The following NRXN1 variants were observed in gnomAD, a reference collection of about 807,000 sequenced individuals.
The protein encoded by NRXN1 is neurexin-1.
A neutral mutation model predicts 150.9 loss-of-function variants in NRXN1; 39 were observed. The ratio of observed to expected loss-of-function variants is 0.26; its 90% confidence interval spans 0.20 to 0.34. The LOEUF (loss-of-function observed/expected upper bound fraction) is 0.34. Among genes scored for constraint, NRXN1 ranks in the 10% least tolerant of loss-of-function variants. The pLI is 1.00. For missense variants in NRXN1, 1,815 were observed against 1,949.9 expected (o/e 0.93, Z 1.30); for synonymous variants, 924 against 757.0 (o/e 1.22, Z -3.62).
At chr2:50,459,907 A>G (rs2087986656) in intron 17 of NRXN1, among the ~76,000 whole-genome samples, 1 of 152,104 alleles carries the variant, frequency 6.6e-6, no homozygotes, top group South Asian at 2.1e-4. Flanking sequence ...CAGTATCCCC[A>G]TCCTGCCTTG....
At chr2:50,598,587 T>G (rs963716083) in intron 8 of NRXN1, among the ~76,000 whole-genome samples, 6 of 149,170 alleles carry the variant, frequency 4.0e-5, no homozygotes, top group Non-Finnish European at 8.9e-5. Flanking sequence ...TGTATATATA[T>G]GTATATATGC....
chr2:50,748,304 C>T (rs908074057), intron 5 of NRXN1, among the ~76,000 whole-genome samples: 49 of 152,166 alleles, frequency 3.2e-4, no homozygotes, highest in African/African-American at 8.2e-4. Context: ...CTGCGCAGCA[C>T]TGATAAGGTT....
intron 2 of NRXN1, chr2:51,026,524 G>T: frequency 8.5e-7 from 1 of 1,172,076 alleles, no homozygotes; most frequent in Non-Finnish European, 1.2e-6. Flanking sequence ...ATGCCACACT[G>T]TTTTAAGCCC....
intron 21 of NRXN1, among the ~76,000 whole-genome samples, chr2:50,015,598 C>A: frequency 6.6e-6 from 1 of 150,532 alleles, no homozygotes; most frequent in South Asian, 2.1e-4. Context: ...CTCTGTTTAC[C>A]CTTCTGTATA....
intron 5 of NRXN1, among the ~76,000 whole-genome samples, chr2:50,731,579 C>G (rs1413139610): frequency 6.6e-6 from 1 of 152,004 alleles, no homozygotes; most frequent in Admixed American, 6.6e-5. Context: ...TGGTGGTTCT[C>G]AAGGTATAGT....
At chr2:50,513,217 C>T (rs1268445135) in intron 12 of NRXN1, among the ~76,000 whole-genome samples, 1 of 152,104 alleles carries the variant, frequency 6.6e-6, no homozygotes, top group East Asian at 1.9e-4. Context: ...CCTTTCTCTC[C>T]TTTTTATGGA....
At chr2:50,798,167 A>T (rs1299021672) in intron 5 of NRXN1, among the ~76,000 whole-genome samples, 2 of 152,168 alleles carry the variant, frequency 1.3e-5, no homozygotes, top group African/African-American at 4.8e-5. Flanking sequence ...AATTCTAGTT[A>T]TATATAATCA....
chr2:50,279,976 A>T (rs1282494842), intron 17 of NRXN1, among the ~76,000 whole-genome samples: 1 of 152,174 alleles, frequency 6.6e-6, no homozygotes, highest in East Asian at 1.9e-4. Context: ...AAAGTATTCT[A>T]TTAAAAAGCT....
chr2:50,825,602 T>C (rs1192610662), intron 5 of NRXN1, among the ~76,000 whole-genome samples: 1 of 152,216 alleles, frequency 6.6e-6, no homozygotes, highest in Non-Finnish European at 1.5e-5. Flanking sequence ...CTTCCGTACA[T>C]CTTCATCTGA....
chr2:50,408,617 G>A (rs984625948), intron 17 of NRXN1, among the ~76,000 whole-genome samples: 4 of 152,138 alleles, frequency 2.6e-5, no homozygotes, highest in African/African-American at 9.7e-5. Context: ...TCCAAATTTC[G>A]AGGTCCCCCT....
chr2:50,971,239 A>T lies in NRXN1; in HGVS notation c.773-45284T>A, dbSNP rs1197915105. 7.9e-5 allele frequency among the ~76,000 whole-genome samples: 12 copies of T among 152,266 alleles called. No individual in the cohort carries two copies. The East Asian group carries it at 2.1e-3, about 27-fold the overall frequency. ...CTGCAGAATTAGTAACATAAACATA[A>T]TGCTTGTTAGTGTCAAGTGGCTGAA... On this transcript the variant is annotated intron_variant, in intron 2 of 22. Coordinates refer to ENST00000401669, the MANE Select transcript of NRXN1 (RefSeq NM_001330078.2).
chr2:50,201,070 G>T (rs2062127241), intron 18 of NRXN1, among the ~76,000 whole-genome samples: 2 of 151,952 alleles, frequency 1.3e-5, no homozygotes. Context: ...ATCCTTTCAA[G>T]TATTGTTTTC....
intron 5 of NRXN1, among the ~76,000 whole-genome samples, chr2:50,776,651 CACAT>C (rs1238138460): frequency 8.6e-6 from 1 of 116,356 alleles, no homozygotes; most frequent in Non-Finnish European, 1.9e-5. Context: ...TATATATATA[CACAT>C]ACACACACAC....
chr2:50,158,618 A>AG, intron 18 of NRXN1, among the ~76,000 whole-genome samples: 1 of 152,260 alleles, frequency 6.6e-6, no homozygotes, highest in Non-Finnish European at 1.5e-5. Context: ...AGGAAAAAAA[A>AG]CATTATCTTC....
chr2:50,739,584 AC>A (rs1453189351), intron 5 of NRXN1, among the ~76,000 whole-genome samples: 3 of 152,166 alleles, frequency 2.0e-5, no homozygotes, highest in African/African-American at 7.2e-5. Flanking sequence ...ACTAAATAAA[AC>A]AAGCTTTTAT....
chr2:50,987,682 G>A (rs779643897), intron 2 of NRXN1, among the ~76,000 whole-genome samples: 3 of 151,892 alleles, frequency 2.0e-5, no homozygotes, highest in Non-Finnish European at 4.4e-5. Context: ...AATAAAGGAT[G>A]CATATGTTCT....
At chr2:49,963,920 G>A (rs1285585666) in intron 21 of NRXN1, among the ~76,000 whole-genome samples, 3 of 152,140 alleles carry the variant, frequency 2.0e-5, no homozygotes, top group African/African-American at 7.2e-5. Context: ...ATGTCCCAGA[G>A]CTGCTGTAAC....
intron 17 of NRXN1, among the ~76,000 whole-genome samples, chr2:50,419,771 T>C (rs12620185): frequency 0.12 from 17,496 of 151,934 alleles, 1,437 homozygotes; most frequent in East Asian, 0.38. Flanking sequence ...AAACAGAAAA[T>C]ATATATTTGT....
intron 19 of NRXN1, among the ~76,000 whole-genome samples, chr2:50,070,288 T>C (rs1299319014): frequency 6.6e-6 from 1 of 152,164 alleles, no homozygotes; most frequent in Non-Finnish European, 1.5e-5. Context: ...TAAGAAGAAA[T>C]CTGAGGACTT....
Sources: gnomAD v4.1 joint callset for allele counts (sites outside exome capture counted in the v4.1 genomes callset) on GRCh38, gnomAD v4.1.1 for gene constraint, MANE v1.5 for transcripts, NCBI Gene and HGNC (gene_info 2026-07-23, HGNC 2026-07-21) for gene names.